Variants in CDH11 observed in about 807,000 individuals in gnomAD.
The protein encoded by CDH11 is cadherin 11, also known as cadherin-11.
In CDH11, 11 loss-of-function variants were observed where a neutral mutation model predicts 67.8. The observed-to-expected ratio is 0.16, with a 90% confidence interval of 0.10 to 0.27. The LOEUF (loss-of-function observed/expected upper bound fraction) is 0.27, where lower values mean the gene tolerates loss of function less well. CDH11 is among the 10% of genes least tolerant of loss of function. CDH11 has a pLI of 1.00. For synonymous variants in CDH11, 419 were observed against 400.0 expected, an observed-to-expected ratio of 1.05 and a Z score of -0.57; for missense variants, 847 against 1,031.2, an observed-to-expected ratio of 0.82 and a Z score of 2.45.
chr16:65,013,436 CAGA>C (rs1160846038), intron 2 of CDH11, among the ~76,000 whole-genome samples: 5 of 152,102 alleles, frequency 3.3e-5, no homozygotes, highest in African/African-American at 4.8e-5. Flanking sequence ...GCTCAGGAAT[CAGA>C]AGGAGTTGGA....
At chr16:65,004,611 A>G in intron 3 of CDH11, 31 bp downstream of exon 3, 1 of 1,589,052 alleles carries the variant, frequency 6.3e-7, no homozygotes, top group Non-Finnish European at 8.6e-7. Context: ...GGTGGGTTGG[A>G]AAGCTCAGGA....
chr16:65,028,875 T>C (rs554326233), intron 2 of CDH11, among the ~76,000 whole-genome samples: 2 of 152,190 alleles, frequency 1.3e-5, no homozygotes, highest in East Asian at 3.9e-4. Flanking sequence ...GTATCTAAAG[T>C]AGTCAAATTC....
At chr16:64,995,292 C>A (rs1184574126) in intron 4 of CDH11, among the ~76,000 whole-genome samples, 1 of 151,976 alleles carries the variant, frequency 6.6e-6, no homozygotes, top group Non-Finnish European at 1.5e-5. Flanking sequence ...CAAAGCAATC[C>A]TAAGCAAAAA....
At chr16:65,050,258 G>C (rs1289030596) in intron 2 of CDH11, among the ~76,000 whole-genome samples, 1 of 152,170 alleles carries the variant, frequency 6.6e-6, no homozygotes, top group Non-Finnish European at 1.5e-5. Flanking sequence ...ATGTGTGCTA[G>C]AAACGGAAGC....
intron 3 of CDH11, among the ~76,000 whole-genome samples, chr16:65,000,861 T>C (rs1358338500): frequency 6.6e-6 from 1 of 151,872 alleles, no homozygotes. Context: ...ATGATTATTA[T>C]CAATGCCATT....
At chr16:65,110,279 A>G (rs915010804) in intron 1 of CDH11, among the ~76,000 whole-genome samples, 52 of 152,180 alleles carry the variant, frequency 3.4e-4, no homozygotes, top group African/African-American at 1.2e-3. Context: ...ATCTCATTCA[A>G]TAATGCAGCA....
intron 8 of CDH11, among the ~76,000 whole-genome samples, chr16:64,977,001 TG>T: frequency 6.6e-6 from 1 of 152,046 alleles, no homozygotes; most frequent in East Asian, 1.9e-4. Flanking sequence ...GAGACCAGCA[TG>T]GGCAACATAG....
intron 8 of CDH11, chr16:64,981,633 C>T (rs373567757): frequency 4.6e-5 from 7 of 153,238 alleles, no homozygotes; most frequent in East Asian, 1.9e-4. Flanking sequence ...ATTTATACAT[C>T]GATTAAGTTG....
intron 12 of CDH11, among the ~76,000 whole-genome samples, chr16:64,949,839 G>C (rs2071308632): frequency 6.6e-6 from 1 of 152,046 alleles, no homozygotes; most frequent in Admixed American, 6.6e-5. Context: ...TGAACCTGTC[G>C]AGCACAGAGA....
At chr16:65,057,483 G>A (rs1419677652) in intron 1 of CDH11, among the ~76,000 whole-genome samples, 1 of 152,164 alleles carries the variant, frequency 6.6e-6, no homozygotes, top group Non-Finnish European at 1.5e-5. Context: ...TCAGGAAAAG[G>A]AACACCGTGA....
At chr16:65,050,708 C>T (rs765668947) in intron 2 of CDH11, among the ~76,000 whole-genome samples, 2 of 152,030 alleles carry the variant, frequency 1.3e-5, no homozygotes, top group Non-Finnish European at 2.9e-5. Flanking sequence ...AGGTTTCATG[C>T]CACCAGCCTT....
At chr16:65,039,890 G>A (rs1405320387) in intron 2 of CDH11, among the ~76,000 whole-genome samples, 1 of 152,166 alleles carries the variant, frequency 6.6e-6, no homozygotes, top group Non-Finnish European at 1.5e-5. Context: ...CCATCAAAAA[G>A]TGGGCGAAGG....
intron 1 of CDH11, among the ~76,000 whole-genome samples, chr16:65,098,740 T>C (rs2074940980): frequency 6.6e-6 from 1 of 152,180 alleles, no homozygotes; most frequent in South Asian, 2.1e-4. Flanking sequence ...ATCAAATGCC[T>C]ATTACTTAAG....
intron 1 of CDH11, among the ~76,000 whole-genome samples, chr16:65,076,000 A>C (rs1349018426): frequency 6.6e-6 from 1 of 152,130 alleles, no homozygotes; most frequent in Non-Finnish European, 1.5e-5. Context: ...CATGTGTAGG[A>C]AGAAGAAGGC....
rs186361010 is a variant in CDH11, at chr16:65,040,457, A to G, written c.-173+13347T>C. Among the ~76,000 whole-genome samples the G allele has an allele frequency of 5.4e-3, 816 of 152,176 alleles. 11 individuals carry two copies. Among genetic ancestry groups the G allele is most frequent in the African/African-American group, 0.019 (784 of 41,496 alleles). ...ATTCTCAGCAAACTATCGCAAGGACAAAAAAACCAAACACCGCGTGTTCTC... is the reference window on the plus strand; with the variant it reads ...ATTCTCAGCAAACTATCGCAAGGACGAAAAAACCAAACACCGCGTGTTCTC... On this transcript the variant is annotated intron_variant, in intron 2 of 12. Transcript: ENST00000268603.
intron 1 of CDH11, among the ~76,000 whole-genome samples, chr16:65,084,190 A>T (rs532620184): frequency 1.3e-5 from 2 of 152,358 alleles, no homozygotes; most frequent in Admixed American, 6.5e-5. Context: ...AGATGAAAAT[A>T]AACGTAAAAG....
At chr16:64,951,172 C>T (rs972106196) in intron 11 of CDH11, among the ~76,000 whole-genome samples, 154 bp from the exon 12 acceptor site, 1 of 152,204 alleles carries the variant, frequency 6.6e-6, no homozygotes, top group Admixed American at 6.5e-5. Context: ...TCTGCGGAAG[C>T]CACAGCCGTT....
At chr16:65,025,727 T>C (rs2073520622) in intron 2 of CDH11, among the ~76,000 whole-genome samples, 1 of 152,158 alleles carries the variant, frequency 6.6e-6, no homozygotes, top group Non-Finnish European at 1.5e-5. Flanking sequence ...AGAAAGGAGA[T>C]GTGATTTCAC....
intron 8 of CDH11, among the ~76,000 whole-genome samples, chr16:64,980,466 C>T (rs2072303562): frequency 6.6e-6 from 1 of 152,072 alleles, no homozygotes; most frequent in Non-Finnish European, 1.5e-5. Flanking sequence ...CTAGGGAGCC[C>T]TGGAAGAATT....
Sources: gnomAD v4.1 joint callset for allele counts (sites outside exome capture counted in the v4.1 genomes callset) on GRCh38, gnomAD v4.1.1 for gene constraint, MANE v1.5 for transcripts, NCBI Gene and HGNC (gene_info 2026-07-23, HGNC 2026-07-21) for gene names.